Variants in PUS10 observed in about 807,000 individuals in gnomAD.
The protein encoded by PUS10 is pseudouridine synthase 10, also known as tRNA pseudouridine synthase Pus10.
In PUS10, 59 loss-of-function variants were observed where a neutral mutation model predicts 75.0. The ratio of observed to expected loss-of-function variants is 0.79; its 90% confidence interval spans 0.64 to 0.98. The LOEUF is 0.98. PUS10 is among the 50% of genes least tolerant of loss of function. The pLI, the probability that PUS10 is intolerant of heterozygous loss-of-function variation, is 0.00. For synonymous variants in PUS10, 219 were observed against 211.6 expected, an observed-to-expected ratio of 1.03 and a Z score of -0.30; for missense variants, 650 against 614.4, an observed-to-expected ratio of 1.06 and a Z score of -0.61.
intron 4 of PUS10, among the ~76,000 whole-genome samples, chr2:60,974,922 G>A (rs561882204): frequency 6.6e-6 from 1 of 152,324 alleles, no homozygotes; most frequent in South Asian, 2.1e-4. Context: ...AGAAAAACTC[G>A]GGCAAAGACG....
In PUS10 at chr2:60,940,960, G is replaced by A. The variant is rs1385513676; in HGVS notation, c.*1435C>T. The A allele has an allele frequency of 6.6e-6, 1 of 152,258 alleles. No individual in the cohort carries two copies. The highest frequency in any genetic ancestry group is 1.5e-5 in the Non-Finnish European group (1 of 68,004). The allele number at this position is 152,258 out of a possible 1,614,324, so 9.4% of individuals were successfully genotyped here. A position where few individuals can be genotyped will look rare whatever the true frequency, so the allele number is the denominator to read the frequency against. On this transcript the variant is annotated 3_prime_UTR_variant, in exon 18 of 18. Coordinates refer to ENST00000316752, the MANE Select transcript of PUS10 (RefSeq NM_144709.4). ...GTTCCAACGTGGCTGACTCCTTTGT[G>A]TCCATTAAAACCATTTTCCTCATAT...
At chr2:60,964,134 G>C (rs1195419022) in intron 8 of PUS10, among the ~76,000 whole-genome samples, 2 of 152,196 alleles carry the variant, frequency 1.3e-5, no homozygotes, top group Non-Finnish European at 2.9e-5. Flanking sequence ...TCAGGGTGCT[G>C]AACAAACATG....
chr2:60,997,772 T>TG (rs1358161657), intron 4 of PUS10, among the ~76,000 whole-genome samples: 1 of 152,172 alleles, frequency 6.6e-6, no homozygotes, highest in Non-Finnish European at 1.5e-5. Flanking sequence ...CATGGATAAG[T>TG]GGACCATATA....
chr2:60,948,610 A>T (rs1302895922), intron 15 of PUS10, among the ~76,000 whole-genome samples: 2 of 152,052 alleles, frequency 1.3e-5, no homozygotes, highest in Non-Finnish European at 2.9e-5. Context: ...GAAAAGGGTT[A>T]TACAAAAGGA....
At chr2:61,004,036 T>A (rs1266960551) in intron 4 of PUS10, among the ~76,000 whole-genome samples, 1 of 152,182 alleles carries the variant, frequency 6.6e-6, no homozygotes, top group Non-Finnish European at 1.5e-5. Flanking sequence ...TATGAGATAA[T>A]TGACATCAAT....
chr2:60,997,699 C>A (rs2104614351), intron 4 of PUS10, among the ~76,000 whole-genome samples: 1 of 151,480 alleles, frequency 6.6e-6, no homozygotes, highest in Non-Finnish European at 1.5e-5. Flanking sequence ...CTGGGACATT[C>A]ATTGTATAAT....
rs867920633 is a variant in PUS10 at position 61,017,826 on chromosome 2, G to C, written c.-16+182C>G. On this transcript the variant is annotated intron_variant, in intron 1 of 17. Coordinates refer to ENST00000316752, the MANE Select transcript of PUS10 (RefSeq NM_144709.4). ...CCGCCGAATTCCGGGAGCCGGACCG[G>C]GACCAGGACCGGGCCCCACTTTCCA... The C allele has an allele frequency of 3.2e-6, 5 of 1,550,544 alleles. No individual in the cohort carries two copies. Among genetic ancestry groups the C allele is most frequent in the African/African-American group, 2.7e-5 (2 of 73,186 alleles).
chr2:60,954,562 A>G (rs1439289449), intron 12 of PUS10, among the ~76,000 whole-genome samples: 1 of 152,254 alleles, frequency 6.6e-6, no homozygotes, highest in Non-Finnish European at 1.5e-5. Context: ...GGAAGGAACT[A>G]TAAGCCTCAA....
chr2:61,016,985 A>G (rs1308243031), intron 1 of PUS10, among the ~76,000 whole-genome samples: 2 of 152,106 alleles, frequency 1.3e-5, no homozygotes, highest in African/African-American at 4.8e-5. Flanking sequence ...TCTAACCTCA[A>G]GCCTCAGTTT....
chr2:61,008,928 G>A lies in PUS10; in HGVS notation c.214C>T (p.Arg72Ter), dbSNP rs759814796. The A allele has an allele frequency of 1.2e-5, 20 of 1,613,376 alleles. No homozygotes were observed. The highest frequency in any genetic ancestry group is 2.2e-5 in the East Asian group (1 of 44,840). The stretch of plus-strand genomic sequence containing the variant: ...ATACTATCTTCCAGTTCTTGCAGTC[G>A]AATTTTCTTGGGAGGTGGGTTCATA... ...EVMNPPPKKI[R>*]LQELEDSIDN... The change falls in exon 3 of 18, where the codon CGA becomes TGA. Residue 72 changes from arginine to a stop codon, truncating the protein, a stop_gained. Coordinates refer to ENST00000316752, the MANE Select transcript of PUS10 (RefSeq NM_144709.4). LOFTEE classifies it high-confidence loss of function.
intron 4 of PUS10, among the ~76,000 whole-genome samples, chr2:60,992,880 C>T (rs10182774): frequency 0.18 from 27,669 of 152,132 alleles, 2,755 homozygotes; most frequent in Middle Eastern, 0.33. Flanking sequence ...TACTCGATAC[C>T]GCAACATTTA....
intron 4 of PUS10, among the ~76,000 whole-genome samples, chr2:60,996,139 G>C (rs1470569247): frequency 6.6e-6 from 1 of 152,154 alleles, no homozygotes; most frequent in Non-Finnish European, 1.5e-5. Context: ...AATGTGATTT[G>C]TTCCTCCTTG....
intron 4 of PUS10, among the ~76,000 whole-genome samples, chr2:60,973,316 G>A (rs559917064): frequency 1.4e-4 from 21 of 152,360 alleles, no homozygotes; most frequent in African/African-American, 4.6e-4. Context: ...CCCAACTTGC[G>A]GCTGTGGACC....
At chr2:60,973,490 T>G (rs1207764540) in intron 4 of PUS10, among the ~76,000 whole-genome samples, 8 of 152,228 alleles carry the variant, frequency 5.3e-5, no homozygotes, top group Non-Finnish European at 1.2e-4. Context: ...CCCAGCCAGG[T>G]GTGTGCACAC....
At chr2:60,973,492 T>C (rs1274609678) in intron 4 of PUS10, among the ~76,000 whole-genome samples, 2 of 152,224 alleles carry the variant, frequency 1.3e-5, no homozygotes, top group Admixed American at 6.5e-5. Context: ...CAGCCAGGTG[T>C]GTGCACACTC....
intron 6 of PUS10, chr2:60,965,998 T>C (rs1256399748): frequency 6.6e-6 from 1 of 152,096 alleles, no homozygotes; most frequent in African/African-American, 2.4e-5. Flanking sequence ...ACATAAATTA[T>C]AAAATGATCA....
At chr2:60,957,521 T>C (rs1269500824) in intron 11 of PUS10, among the ~76,000 whole-genome samples, 1 of 152,252 alleles carries the variant, frequency 6.6e-6, no homozygotes, top group African/African-American at 2.4e-5. Context: ...AACACGGTGC[T>C]GTACCTTTAT....
intron 16 of PUS10, among the ~76,000 whole-genome samples, chr2:60,947,425 C>G (rs1330224980): frequency 6.6e-6 from 1 of 152,220 alleles, no homozygotes; most frequent in Non-Finnish European, 1.5e-5. Flanking sequence ...ATGAATCCAT[C>G]TTTCTGAGTA....
At position 60,942,437 on chromosome 2, in the gene PUS10, G is replaced by T; in HGVS notation, c.1552-4C>A. On this transcript the variant is annotated splice_polypyrimidine_tract_variant and splice_region_variant and intron_variant, in intron 17 of 17. Coordinates refer to ENST00000316752, the MANE Select transcript of PUS10 (RefSeq NM_144709.4). ...GTGGCCAGTCAACATCTACAGACTA[G>T]AAGGGAGAAAAGAAGTCATTAAAAC... The T allele has an allele frequency of 6.2e-7, 1 of 1,610,776 alleles. No homozygotes were observed. Among genetic ancestry groups the T allele is most frequent in the South Asian group, 1.1e-5 (1 of 91,004 alleles).
Sources: gnomAD v4.1 joint callset for allele counts (sites outside exome capture counted in the v4.1 genomes callset) on GRCh38, gnomAD v4.1.1 for gene constraint, MANE v1.5 for transcripts, NCBI Gene and HGNC (gene_info 2026-07-23, HGNC 2026-07-21) for gene names.